CCDC178: variants seen among roughly 807,000 people sequenced by gnomAD.
CCDC178 encodes the protein coiled-coil domain-containing protein 178.
CCDC178 carries 126 observed loss-of-function variants against 117.4 expected under a neutral mutation model. The observed-to-expected ratio is 1.07, with a 90% CI of 0.93 to 1.24. The LOEUF is 1.24. CCDC178 is among the 50% of genes most tolerant of loss of function. The probability of loss-of-function intolerance (pLI) is 0.00; values close to 1 mark genes in which losing one functional copy is unlikely to be tolerated. For synonymous variants in CCDC178, 283 were observed against 313.4 expected (o/e 0.90, Z 1.02); for missense variants, 1,030 against 986.9 (o/e 1.04, Z -0.59).
In CCDC178 at chr18:33,234,767, T is replaced by C. The variant is rs1394129897; in HGVS notation, c.1594-7912A>G. Among the ~76,000 whole-genome samples, 4 of 152,146 alleles carry C rather than the reference T, an allele frequency of 2.6e-5. No individual in the cohort carries two copies. In the East Asian group the frequency reaches 5.8e-4, roughly 22 times the overall value. ...CCTTTATTAAAAGCCAAGGATGTGA[T>C]AGCAATTCATAACTCAATAAAAGCT... On this transcript the variant is annotated intron_variant, in intron 15 of 22. Transcript: ENST00000383096.
intron 12 of CCDC178, among the ~76,000 whole-genome samples, chr18:33,280,854 C>CA (rs1018035058): frequency 6.6e-6 from 1 of 151,820 alleles, no homozygotes; most frequent in Non-Finnish European, 1.5e-5. Context: ...ATCGCAAGGA[C>CA]AAAAAACTAA....
chr18:33,171,146 A>G (rs182001483), intron 20 of CCDC178, among the ~76,000 whole-genome samples: 1 of 152,212 alleles, frequency 6.6e-6, no homozygotes. Flanking sequence ...CTGAGGAAAA[A>G]TAAAAGAGCA....
At chr18:33,430,207 T>C (rs2064190357) in intron 2 of CCDC178, among the ~76,000 whole-genome samples, 2 of 152,238 alleles carry the variant, frequency 1.3e-5, no homozygotes, top group South Asian at 4.1e-4. Flanking sequence ...AACCTAAATA[T>C]AATAAAACTA....
At chr18:33,316,152 C>T (rs529028575) in intron 11 of CCDC178, among the ~76,000 whole-genome samples, 3 of 152,328 alleles carry the variant, frequency 2.0e-5, no homozygotes, top group Non-Finnish European at 4.4e-5. Flanking sequence ...TTCAGCCCGC[C>T]GCTGCACTGT....
intron 14 of CCDC178, among the ~76,000 whole-genome samples, chr18:33,247,455 A>G (rs2059564723): frequency 6.6e-6 from 1 of 151,934 alleles, no homozygotes; most frequent in Non-Finnish European, 1.5e-5. Context: ...AGAAATAATT[A>G]AAATAGTTTT....
intron 5 of CCDC178, among the ~76,000 whole-genome samples, chr18:33,387,180 A>G (rs187106471): frequency 6.6e-6 from 1 of 152,292 alleles, no homozygotes; most frequent in Non-Finnish European, 1.5e-5. Flanking sequence ...AAGGAGTACT[A>G]CAAACCACTG....
At chr18:33,085,138 A>G (rs1401346730) in intron 21 of CCDC178, among the ~76,000 whole-genome samples, 2 of 152,254 alleles carry the variant, frequency 1.3e-5, no homozygotes, top group East Asian at 3.8e-4. Context: ...TTATAATCAT[A>G]TAATCACACT....
intron 12 of CCDC178, among the ~76,000 whole-genome samples, chr18:33,279,387 C>T (rs2059993272): frequency 6.6e-6 from 1 of 152,062 alleles, no homozygotes; most frequent in African/African-American, 2.4e-5. Context: ...ACCTAGGAAT[C>T]CAACTTACAA....
At chr18:32,947,220 AAAC>A (rs1433475426) in intron 22 of CCDC178, among the ~76,000 whole-genome samples, 1 of 152,236 alleles carries the variant, frequency 6.6e-6, no homozygotes, top group Non-Finnish European at 1.5e-5. Context: ...AGGTTTGAGA[AAAC>A]AACAAGATGT....
chr18:33,346,998 C>T lies in CCDC178; in HGVS notation c.458-587G>A, dbSNP rs186960440. 3.9e-5 allele frequency among the ~76,000 whole-genome samples: 6 copies of T among 152,094 alleles called. No individual in the cohort carries two copies. The East Asian group carries it at 7.7e-4, about 20-fold the overall frequency. ...CCTGGTTCACAGTTCTGGAATGATG[C>T]GGCTTAATGTTAACAAAATTATTAC... is the stretch of plus-strand genomic sequence containing the variant. On this transcript the variant is annotated intron_variant, in intron 8 of 22. Transcript: ENST00000383096.
At chr18:33,318,736 A>C (rs1432001870) in intron 11 of CCDC178, among the ~76,000 whole-genome samples, 2 of 152,182 alleles carry the variant, frequency 1.3e-5, no homozygotes, top group Admixed American at 6.5e-5. Flanking sequence ...AATAAAATTA[A>C]TTAAAATTCA....
rs568529303 is a variant in CCDC178 at position 33,396,059 on chromosome 18, T to C, written c.118+1090A>G. Among the ~76,000 whole-genome samples the C allele has an allele frequency of 3.3e-5, 5 of 152,120 alleles. No homozygotes were observed. In the South Asian group the frequency reaches 1.0e-3, roughly 32 times the overall value. On this transcript the variant is annotated intron_variant, in intron 4 of 22. Coordinates refer to ENST00000383096, the MANE Select transcript of CCDC178 (RefSeq NM_001105528.4). ...AAATTAGTTAACATATGTGACTGATTTAGAACTAGTATTCATATTACACAA... is the reference window on the plus strand; with the variant it reads ...AAATTAGTTAACATATGTGACTGATCTAGAACTAGTATTCATATTACACAA...
chr18:32,944,854 G>T (rs144361104), intron 22 of CCDC178, among the ~76,000 whole-genome samples: 32 of 152,064 alleles, frequency 2.1e-4, no homozygotes, highest in Admixed American at 2.1e-3. Flanking sequence ...AGCAGTTTCC[G>T]CTTTGGCTTG....
chr18:33,224,988 T>C, intron 16 of CCDC178, 52 bp from the exon 17 acceptor site: 1 of 1,335,330 alleles, frequency 7.5e-7, no homozygotes, highest in Non-Finnish European at 9.9e-7. Context: ...TAAACATTTA[T>C]TGAGCCTCTT....
In CCDC178 at chr18:33,323,617, CT is replaced by C; in HGVS notation, c.895del (p.Arg299GlufsTer11). 6.5e-7 allele frequency: 1 copy of C among 1,527,152 alleles called. No homozygotes were observed. The highest frequency in any genetic ancestry group is 1.4e-5 in the African/African-American group (1 of 70,888). The allele number at this position is 1,527,152 out of a possible 1,614,324, so 94.6% of individuals were successfully genotyped here. On this transcript the variant is annotated frameshift_variant, in exon 11 of 23. Coordinates refer to ENST00000383096, the MANE Select transcript of CCDC178 (RefSeq NM_001105528.4). LOFTEE classifies it high-confidence loss of function. ...TTCTTCAAGTTCTTCATTAACTTTT[CT>C]GTGTAGGTCCATTACCTAGAAATGA... The part of the protein sequence containing the change: ...KKKMEVMDLH[R>X]KVNEELEEAL...
At chr18:33,232,397 T>C (rs980774053) in intron 15 of CCDC178, among the ~76,000 whole-genome samples, 4 of 152,192 alleles carry the variant, frequency 2.6e-5, no homozygotes, top group African/African-American at 9.6e-5. Flanking sequence ...TCATTTCCAG[T>C]GACAGAGAAG....
chr18:33,110,790 A>C (rs1194404692), intron 20 of CCDC178, among the ~76,000 whole-genome samples: 1 of 151,594 alleles, frequency 6.6e-6, no homozygotes, highest in African/African-American at 2.4e-5. Context: ...CTTTGTACCA[A>C]TATCACAATT....
At chr18:33,376,066 T>A (rs569994902) in intron 5 of CCDC178, among the ~76,000 whole-genome samples, 1 of 152,152 alleles carries the variant, frequency 6.6e-6, no homozygotes, top group Non-Finnish European at 1.5e-5. Context: ...GGACTTGGGT[T>A]TTTATACGTT....
At chr18:33,367,092 T>TA (rs2063219165) in intron 6 of CCDC178, among the ~76,000 whole-genome samples, 1 of 152,186 alleles carries the variant, frequency 6.6e-6, no homozygotes, top group African/African-American at 2.4e-5. Flanking sequence ...TTTAAATATT[T>TA]AAAAAATTTT....
Sources: gnomAD v4.1 joint callset for allele counts (sites outside exome capture counted in the v4.1 genomes callset) on GRCh38, gnomAD v4.1.1 for gene constraint, MANE v1.5 for transcripts, NCBI Gene and HGNC (gene_info 2026-07-23, HGNC 2026-07-21) for gene names.